The following CDH9 variants were observed in gnomAD, a reference collection of about 807,000 sequenced individuals.
CDH9 encodes the protein cadherin-9.
CDH9 carries 28 observed loss-of-function variants against 70.9 expected under a neutral mutation model. The observed-to-expected ratio is 0.40, with a 90% CI of 0.29 to 0.54. CDH9 has a LOEUF of 0.54. CDH9 is among the 20% of genes least tolerant of loss of function. CDH9 has a pLI of 0.59. For missense variants in CDH9, 874 were observed against 984.4 expected (o/e 0.89, Z 1.50); for synonymous variants, 409 against 343.1 (o/e 1.19, Z -2.12).
intron 2 of CDH9, among the ~76,000 whole-genome samples, chr5:26,980,789 GA>G: frequency 6.6e-6 from 1 of 151,952 alleles, no homozygotes; most frequent in Non-Finnish European, 1.5e-5. Flanking sequence ...TACTTTTTCT[GA>G]ACTGAGGCTA....
At chr5:26,968,409 C>T (rs1218726053) in intron 2 of CDH9, among the ~76,000 whole-genome samples, 1 of 152,082 alleles carries the variant, frequency 6.6e-6, no homozygotes, top group Non-Finnish European at 1.5e-5. Flanking sequence ...CCTCAGCCTC[C>T]TGAGTAGCTG....
At chr5:26,934,606 G>A (rs1741526973) in intron 2 of CDH9, among the ~76,000 whole-genome samples, 1 of 152,078 alleles carries the variant, frequency 6.6e-6, no homozygotes, top group African/African-American at 2.4e-5. Context: ...CATGAGACTT[G>A]GTGTAGTCAA....
At chr5:26,925,583 G>A (rs1206622017) in intron 2 of CDH9, among the ~76,000 whole-genome samples, 1 of 152,058 alleles carries the variant, frequency 6.6e-6, no homozygotes, top group African/African-American at 2.4e-5. Context: ...TTTGGCTTTT[G>A]TTGCCATTAC....
At chr5:26,982,725 A>G (rs1443980241) in intron 2 of CDH9, among the ~76,000 whole-genome samples, 1 of 151,930 alleles carries the variant, frequency 6.6e-6, no homozygotes. Context: ...GTCTTGCTCC[A>G]TCGCCCAGGC....
At chr5:26,933,880 CAGGA>C (rs1218413735) in intron 2 of CDH9, among the ~76,000 whole-genome samples, 8 of 152,064 alleles carry the variant, frequency 5.3e-5, no homozygotes, top group African/African-American at 1.7e-4. Context: ...CCCATGAACA[CAGGA>C]TAGTAAACAA....
chr5:26,991,266 A>T (rs1225839389), intron 1 of CDH9, among the ~76,000 whole-genome samples: 2 of 152,112 alleles, frequency 1.3e-5, no homozygotes, highest in African/African-American at 4.8e-5. Flanking sequence ...CCCACACTCC[A>T]TACACTACAA....
intron 2 of CDH9, among the ~76,000 whole-genome samples, chr5:26,931,776 A>G (rs963969146): frequency 1.2e-4 from 19 of 152,112 alleles, no homozygotes; most frequent in Non-Finnish European, 2.2e-4. Flanking sequence ...TGGTATGCCA[A>G]TGGAAGCAGA....
intron 2 of CDH9, among the ~76,000 whole-genome samples, chr5:26,943,610 A>G (rs755163589): frequency 1.3e-5 from 2 of 152,170 alleles, no homozygotes; most frequent in African/African-American, 2.4e-5. Context: ...CAAAGGGCTA[A>G]GACTGTTTAA....
chr5:27,034,680 T>C (rs1360416320), intron 1 of CDH9, among the ~76,000 whole-genome samples: 2 of 151,584 alleles, frequency 1.3e-5, no homozygotes, highest in Non-Finnish European at 3.0e-5. Context: ...ATGACTTTTA[T>C]GTTTGGAGAG....
At chr5:26,989,332 A>C (rs1474748105) in intron 1 of CDH9, among the ~76,000 whole-genome samples, 1 of 152,078 alleles carries the variant, frequency 6.6e-6, no homozygotes, top group African/African-American at 2.4e-5. Flanking sequence ...AATGGCTATG[A>C]TCTATTAAGC....
At chr5:27,027,135 T>C (rs1351964006) in intron 1 of CDH9, among the ~76,000 whole-genome samples, 1 of 152,094 alleles carries the variant, frequency 6.6e-6, no homozygotes, top group Non-Finnish European at 1.5e-5. Flanking sequence ...CCAAGATCCA[T>C]GAGTAGTATA....
At chr5:26,942,410 A>T (rs979601747) in intron 2 of CDH9, among the ~76,000 whole-genome samples, 2 of 152,118 alleles carry the variant, frequency 1.3e-5, no homozygotes, top group Non-Finnish European at 2.9e-5. Flanking sequence ...GGGTTAATCC[A>T]TTTATGAGGT....
At chr5:26,899,983 A>G (rs953505642) in intron 7 of CDH9, among the ~76,000 whole-genome samples, 1 of 152,082 alleles carries the variant, frequency 6.6e-6, no homozygotes, top group Admixed American at 6.6e-5. Context: ...GATAAAGTAG[A>G]TAAAAGTTAA....
In CDH9 at chr5:26,906,138, A is replaced by C; in HGVS notation, c.644-12T>G. 1 of 1,603,110 alleles carries C rather than the reference A, an allele frequency of 6.2e-7. No individual in the cohort carries two copies. Among genetic ancestry groups the C allele is most frequent in the Non-Finnish European group, 8.5e-7 (1 of 1,175,586 alleles). ...AGTTTTTATTATGCCTTTTGGAAAA[A>C]GCAGACAAAAGTTTTGCAATTAAAT... is the stretch of plus-strand genomic sequence containing the variant. On this transcript the variant is annotated splice_polypyrimidine_tract_variant and intron_variant, in intron 4 of 11. Coordinates refer to ENST00000231021, the MANE Select transcript of CDH9 (RefSeq NM_016279.4).
intron 3 of CDH9, among the ~76,000 whole-genome samples, chr5:26,907,262 A>G (rs767067164): frequency 3.3e-5 from 5 of 152,106 alleles, no homozygotes; most frequent in African/African-American, 9.6e-5. Flanking sequence ...TTATTCTGGT[A>G]TATTTGACTG....
chr5:26,946,106 A>G (rs1253351408), intron 2 of CDH9, among the ~76,000 whole-genome samples: 1 of 152,162 alleles, frequency 6.6e-6, no homozygotes, highest in Non-Finnish European at 1.5e-5. Context: ...TAAGCTACAT[A>G]ATGATCTGAG....
intron 1 of CDH9, among the ~76,000 whole-genome samples, chr5:27,017,811 C>G (rs1482821465): frequency 6.6e-6 from 1 of 151,914 alleles, no homozygotes; most frequent in Non-Finnish European, 1.5e-5. Context: ...TGGCAGGAAT[C>G]CAGCATTCTT....
intron 2 of CDH9, among the ~76,000 whole-genome samples, chr5:26,980,379 G>A (rs1282537610): frequency 6.6e-6 from 1 of 151,570 alleles, no homozygotes; most frequent in African/African-American, 2.4e-5. Flanking sequence ...TTCTGGCTAC[G>A]AATTAGAATA....
At chr5:26,890,194 T>A (rs1740632844) in intron 8 of CDH9, among the ~76,000 whole-genome samples, 1 of 152,218 alleles carries the variant, frequency 6.6e-6, no homozygotes, top group South Asian at 2.1e-4. Context: ...ATTATTTTTA[T>A]GAGGTTAAAT....
Sources: gnomAD v4.1 joint callset for allele counts (sites outside exome capture counted in the v4.1 genomes callset) on GRCh38, gnomAD v4.1.1 for gene constraint, MANE v1.5 for transcripts, NCBI Gene and HGNC (gene_info 2026-07-23, HGNC 2026-07-21) for gene names.